SLC7A4: variants seen among roughly 807,000 people sequenced by gnomAD.
SLC7A4 encodes solute carrier family 7 member 4.
Under a neutral mutation model 37.8 loss-of-function variants are expected in SLC7A4, and 30 were observed. The observed-to-expected ratio is 0.79, with a 90% CI of 0.59 to 1.08. The LOEUF (loss-of-function observed/expected upper bound fraction) is 1.08. SLC7A4 is among the 50% of genes least tolerant of loss of function. The probability of loss-of-function intolerance (pLI) is 0.00; values close to 1 mark genes in which losing one functional copy is unlikely to be tolerated. For missense variants in SLC7A4, 839 were observed against 843.2 expected (o/e 1.00, Z 0.06); for synonymous variants, 359 against 376.5 (o/e 0.95, Z 0.54).
chr22:21,031,284 T>A lies in SLC7A4; in HGVS notation c.529A>T (p.Ile177Phe). Residue 177 changes from isoleucine (I) to phenylalanine (F), a missense_variant, in exon 2 of 5, where the codon ATC (isoleucine) becomes TTC (phenylalanine). Coordinates refer to ENST00000382932, the MANE Select transcript of SLC7A4 (RefSeq NM_004173.3). Reference sequence around the variant, plus strand: ...GAGACAAAGGCAGAGGCCAGGAGGATGATGCCAGCAGCCAGGAAGTCCGGG... The same window carrying A: ...GAGACAAAGGCAGAGGCCAGGAGGAAGATGCCAGCAGCCAGGAAGTCCGGG... ...HYPDFLAAGI[I>F]LLASAFVSCG... 4.3e-6 allele frequency: 7 copies of A among 1,610,918 alleles called. No individual in the cohort carries two copies. Among genetic ancestry groups the A allele is most frequent in the Non-Finnish European group, 5.9e-6 (7 of 1,178,572 alleles).
rs778563206 is a variant in SLC7A4, at chr22:21,031,700, G to C, written c.113C>G (p.Ser38Cys). The C allele has an allele frequency of 1.9e-6, 3 of 1,613,172 alleles. No individual in the cohort carries two copies. The African/African-American group carries it at 4.0e-5, about 22-fold the overall frequency. ...TMETSLRRCLSTLDLTLLGVG... is the reference protein window; with the variant it reads ...TMETSLRRCLCTLDLTLLGVG... ...GCCCAGAAGAGTCAGGTCCAGCGTG[G>C]ACAGGCAGCGCCGCAGTGACGTCTC... is the stretch of plus-strand genomic sequence containing the variant. The change falls in exon 2 of 5, where the codon TCC becomes TGC. Residue 38 changes from serine to cysteine, a missense_variant. By Grantham distance (112) the Ser-to-Cys change is moderately radical. Coordinates refer to ENST00000382932, the MANE Select transcript of SLC7A4 (RefSeq NM_004173.3).
chr22:21,029,271 G>A (rs1569185455), intron 4 of SLC7A4, 41 bp from the exon 5 acceptor site: 1 of 1,612,634 alleles, frequency 6.2e-7, no homozygotes, highest in South Asian at 1.1e-5. Context: ...TGAGGTACAG[G>A]TTCCAGCCCT....
intron 1 of SLC7A4, among the ~76,000 whole-genome samples, chr22:21,032,215 C>A (rs1928912716): frequency 6.6e-6 from 1 of 152,180 alleles, no homozygotes; most frequent in African/African-American, 2.4e-5. Context: ...CGAGGCTTCC[C>A]CAGAGTCGAG....
At position 21,032,395 on chromosome 22, in the gene SLC7A4, C is replaced by T. The variant is rs2520659; in HGVS notation, c.-41+136G>A. 0.29 allele frequency: 43,901 copies of T among 152,650 alleles called. 6,647 individuals carry two copies. Among genetic ancestry groups the T allele is most frequent in the South Asian group, 0.34 (1,657 of 4,860 alleles). 9.5% of individuals were successfully genotyped at this position (152,650 alleles called of 1,614,324 possible). A position where few individuals can be genotyped will look rare whatever the true frequency, so the allele number is the denominator to read the frequency against. On this transcript the variant is annotated intron_variant, in intron 1 of 4. Coordinates refer to ENST00000382932, the MANE Select transcript of SLC7A4 (RefSeq NM_004173.3). Reference sequence around the variant, plus strand: ...TGCAGGGGCGCCCTGGGCCCGCACACCTCCCCATGTCCGACACGCCGCTGC... The same window carrying T: ...TGCAGGGGCGCCCTGGGCCCGCACATCTCCCCATGTCCGACACGCCGCTGC...
chr22:21,029,507 C>T, intron 3 of SLC7A4, 63 bp from the exon 4 acceptor site: 1 of 1,358,704 alleles, frequency 7.4e-7, no homozygotes, highest in Non-Finnish European at 1.1e-6. Context: ...CAGCCCAGGG[C>T]TCACTTTCTC....
chr22:21,029,321 C>G lies in SLC7A4; in HGVS notation c.1732+15G>C, dbSNP rs1190030180. On this transcript the variant is annotated intron_variant, in intron 4 of 4. Transcript: ENST00000382932. ...CCCTCCTCCTGACCCCGGTCCCAGC[C>G]TGGCCCCCACTCACCCATCAGCAGC... is the stretch of plus-strand genomic sequence containing the variant. 4 of 1,612,748 alleles carry G rather than the reference C, an allele frequency of 2.5e-6. No individual in the cohort carries two copies. In the South Asian group the frequency reaches 4.4e-5, roughly 18 times the overall value.
Position 21,029,127 on chromosome 22 carries a change from G to C in SLC7A4, c.1836C>G (p.Ser612Arg). ...GCATAGCCTGCACTGTCTCCTCCAG[G>C]CTGCCCCTGGGGAATACCACGTAGT... is the stretch of plus-strand genomic sequence containing the variant. ...STHYVVFPRG[S>R]LEETVQAMQP... The change falls in exon 5 of 5, where the codon AGC (serine) becomes AGG (arginine). Residue 612 changes from serine (S) to arginine (R), a missense_variant. Physicochemically the swap from Ser to Arg is moderately radical, Grantham distance 110. Transcript: ENST00000382932. 6.2e-7 allele frequency: 1 copy of C among 1,613,718 alleles called. No individual in the cohort carries two copies. Among genetic ancestry groups the C allele is most frequent in the Non-Finnish European group, 8.5e-7 (1 of 1,179,964 alleles).
At position 21,031,345 on chromosome 22, in the gene SLC7A4, G is replaced by A. The variant is rs1417713458; in HGVS notation, c.468C>T (p.His156=). The A allele has an allele frequency of 6.2e-6, 10 of 1,611,100 alleles. No homozygotes were observed. Among genetic ancestry groups the A allele is most frequent in the African/African-American group, 2.7e-5 (2 of 74,940 alleles). ...GGAGGGGCACCTGCCAAGAACCCACGTGGGTCTCAGTGAAGTTGCGGATGC... is the reference window on the plus strand; with the variant it reads ...GGAGGGGCACCTGCCAAGAACCCACATGGGTCTCAGTGAAGTTGCGGATGC... ...SHSIRNFTET[H]VGSWQVPLLG... The change falls in exon 2 of 5, where the codon CAC becomes CAT. Residue 156 remains histidine (H), a synonymous_variant. Coordinates refer to ENST00000382932, the MANE Select transcript of SLC7A4 (RefSeq NM_004173.3).
chr22:21,030,107 G>T lies in SLC7A4; in HGVS notation c.1227C>A (p.Ile409=). The change falls in exon 3 of 5, where the codon ATC becomes ATA. Residue 409 remains isoleucine, a synonymous_variant. Coordinates refer to ENST00000382932, the MANE Select transcript of SLC7A4 (RefSeq NM_004173.3). Reference sequence around the variant, plus strand: ...AAGACTTCTGGAAGCGCAGCACAATGATACTGGTGGCCACGAATGTGTAGG... The same window carrying T: ...AAGACTTCTGGAAGCGCAGCACAATTATACTGGTGGCCACGAATGTGTAGG... The part of the protein sequence containing the change: ...LLAYTFVATS[I]IVLRFQKSSP... 1 of 1,613,184 alleles carries T rather than the reference G, an allele frequency of 6.2e-7. No homozygotes were observed. The highest frequency in any genetic ancestry group is 8.5e-7 in the Non-Finnish European group (1 of 1,179,650).
Position 21,029,948 on chromosome 22 carries a change from C to A in SLC7A4, c.1386G>T (p.Leu462=). The change falls in exon 3 of 5, where the codon CTG becomes CTT. Residue 462 remains leucine, a synonymous_variant. Transcript: ENST00000382932. ...VPEPGELKPA[L]RPYLGFLDGY... ...CATCCAAGAAGCCCAGGTAGGGCCTCAGGGCTGGCTTCAGCTCCCCTGGCT... is the reference window on the plus strand; with the variant it reads ...CATCCAAGAAGCCCAGGTAGGGCCTAAGGGCTGGCTTCAGCTCCCCTGGCT... 2.5e-6 allele frequency: 4 copies of A among 1,613,950 alleles called. No individual in the cohort carries two copies. Among genetic ancestry groups the A allele is most frequent in the East Asian group, 2.2e-5 (1 of 44,872 alleles).
intron 2 of SLC7A4, 118 bp from the exon 3 acceptor site, chr22:21,030,469 C>CA (rs1413735920): frequency 2.0e-5 from 21 of 1,052,430 alleles, no homozygotes; most frequent in African/African-American, 1.8e-4. Flanking sequence ...TCTGGGCTCT[C>CA]AGAGTAAGCA....
At position 21,029,418 on chromosome 22, in the gene SLC7A4, G is replaced by A; in HGVS notation, c.1650C>T (p.Ala550=). ...GGCAGATGTTGAGGACGATGCTCAG[G>A]GCTGGAATCAGGGGAACCATGGGGA... ...FQIPMVPLIP[A]LSIVLNICLM... is the part of the protein sequence containing the mutation. Residue 550 remains alanine (A), a synonymous_variant, in exon 4 of 5, where the codon GCC becomes GCT. Transcript: ENST00000382932. The A allele has an allele frequency of 6.2e-7, 1 of 1,613,546 alleles. No homozygotes were observed. The highest frequency in any genetic ancestry group is 1.1e-5 in the South Asian group (1 of 91,074).
In SLC7A4 at chr22:21,029,023, G is replaced by A. The variant is rs2075279; in HGVS notation, c.*32C>T. On this transcript the variant is annotated 3_prime_UTR_variant, in exon 5 of 5. Coordinates refer to ENST00000382932, the MANE Select transcript of SLC7A4 (RefSeq NM_004173.3). ...GGCCTCTCTGGCCTCCCAAGCAGGT[G>A]TGGGAGGGCGGGGCAAGTGTGGGCT... The A allele has an allele frequency of 0.14, 217,873 of 1,566,214 alleles. 25,015 individuals are homozygous for A. Among genetic ancestry groups the A allele is most frequent in the East Asian group, 0.54 (24,019 of 44,182 alleles).
rs1482733806 is a variant in SLC7A4, at chr22:21,030,972, C to A, written c.841G>T (p.Gly281Cys). 2 of 1,614,008 alleles carry A rather than the reference C, an allele frequency of 1.2e-6. No homozygotes were observed. The highest frequency in any genetic ancestry group is 3.3e-5 in the Admixed American group (2 of 60,012). The change falls in exon 2 of 5, where the codon GGT (glycine) becomes TGT (cysteine). Residue 281 changes from glycine (G) to cysteine (C), a missense_variant. By Grantham distance (159) the Gly-to-Cys change is radical (BLOSUM62 -3). Transcript: ENST00000382932. Reference protein sequence around the residue: ...AIAISLAIAAGAYILVSTVLT... With the variant: ...AIAISLAIAACAYILVSTVLT... ...ACGGTGGAGACAAGGATGTAGGCAC[C>A]AGCTGCAATGGCAAGCGAGATGGCG...
Position 21,031,408 on chromosome 22 carries a change from A to G in SLC7A4, c.405T>C (p.Arg135=). The part of the protein sequence containing the change: ...EYIIGGAAVA[R]AWSGYLDSMF... Reference sequence around the variant, plus strand: ...TAGAGTCCAGGTAGCCACTCCAGGCACGGGCCACGGCGGCGCCACCGATGA... The same window carrying G: ...TAGAGTCCAGGTAGCCACTCCAGGCGCGGGCCACGGCGGCGCCACCGATGA... Residue 135 remains arginine, a synonymous_variant, in exon 2 of 5, where the codon CGT becomes CGC. Coordinates refer to ENST00000382932, the MANE Select transcript of SLC7A4 (RefSeq NM_004173.3). 2 of 1,606,342 alleles carry G rather than the reference A, an allele frequency of 1.2e-6. No individual in the cohort carries two copies. Among genetic ancestry groups the G allele is most frequent in the Non-Finnish European group, 1.7e-6 (2 of 1,176,730 alleles).
At position 21,029,985 on chromosome 22, in the gene SLC7A4, G is replaced by T; in HGVS notation, c.1349C>A (p.Ala450Asp). ...DHLQLVGTVH[A>D]SVPEPGELKP... The stretch of plus-strand genomic sequence containing the variant: ...CAGCTCCCCTGGCTCAGGGACGGAG[G>T]CGTGTACAGTGCCCACCAGCTGTAG... The change falls in exon 3 of 5, where the codon GCC (alanine) becomes GAC (aspartate). Residue 450 changes from alanine to aspartate, a missense_variant. By Grantham distance (126) the Ala-to-Asp change is moderately radical. Coordinates refer to ENST00000382932, the MANE Select transcript of SLC7A4 (RefSeq NM_004173.3). 1 of 1,613,874 alleles carries T rather than the reference G, an allele frequency of 6.2e-7. No individual in the cohort carries two copies. The highest frequency in any genetic ancestry group is 8.5e-7 in the Non-Finnish European group (1 of 1,179,978).
chr22:21,029,909 T>A lies in SLC7A4; in HGVS notation c.1425A>T (p.Gly475=), dbSNP rs983743578. 25 of 1,613,722 alleles carry A rather than the reference T, an allele frequency of 1.5e-5. No individual in the cohort carries two copies. The highest frequency in any genetic ancestry group is 1.9e-5 in the Non-Finnish European group (23 of 1,179,978). Residue 475 remains glycine (G), a synonymous_variant, in exon 3 of 5, where the codon GGA becomes GGT. Transcript: ENST00000382932. ...CGCCAAGCGCCCAAGTCACCACTGC[T>A]CCAGGGCTGTACCCATCCAAGAAGC... ...YLGFLDGYSP[G]AVVTWALGVM...
Position 21,028,815 on chromosome 22 carries a change from T to C in SLC7A4, c.*240A>G. The C allele has an allele frequency of 2.3e-6, 1 of 440,580 alleles. No homozygotes were observed. Among genetic ancestry groups the C allele is most frequent in the Non-Finnish European group, 4.0e-6 (1 of 249,910 alleles). 27.3% of individuals were successfully genotyped at this position (440,580 alleles called of 1,614,324 possible). On this transcript the variant is annotated 3_prime_UTR_variant, in exon 5 of 5. Coordinates refer to ENST00000382932, the MANE Select transcript of SLC7A4 (RefSeq NM_004173.3). The stretch of plus-strand genomic sequence containing the variant: ...ACCCCACCACAACTGCCCAGGTAGC[T>C]GGAGCTGATCATAAACAAGAAGGCT...
Position 21,031,529 on chromosome 22 carries a change from C to A in SLC7A4, c.284G>T (p.Arg95Leu), listed in dbSNP as rs370464383. ...AALCYAEFGARVPRTGSAYLF... is the reference protein window; with the variant it reads ...AALCYAEFGALVPRTGSAYLF... ...GTAGGCAGAGCCCGTGCGTGGCACA[C>A]GTGCCCCAAATTCTGCATAGCATAG... Residue 95 changes from arginine (R) to leucine (L), a missense_variant, in exon 2 of 5, where the codon CGT (arginine) becomes CTT (leucine). Physicochemically the swap from Arg to Leu is moderately radical, Grantham distance 102. Coordinates refer to ENST00000382932, the MANE Select transcript of SLC7A4 (RefSeq NM_004173.3). 6.2e-7 allele frequency: 1 copy of A among 1,610,416 alleles called. No homozygotes were observed. The highest frequency in any genetic ancestry group is 1.7e-5 in the Admixed American group (1 of 59,780).
Sources: allele counts gnomAD v4.1 joint callset (sites outside exome capture counted in the v4.1 genomes callset), GRCh38; gene constraint gnomAD v4.1.1; transcripts MANE v1.5; gene names NCBI Gene and HGNC (gene_info 2026-07-23, HGNC 2026-07-21).